ANKRD11: variants seen among roughly 807,000 people sequenced by gnomAD.
ANKRD11 encodes the protein ankyrin repeat domain-containing protein 11.
In ANKRD11, 17 loss-of-function variants were observed where a neutral mutation model predicts 195.7. The ratio of observed to expected loss-of-function variants is 0.09; its 90% CI spans 0.06 to 0.13. ANKRD11 has a LOEUF of 0.13. ANKRD11 is among the 10% of genes least tolerant of loss of function. The pLI is 1.00. For synonymous variants in ANKRD11, 1,953 were observed against 1,528.1 expected (o/e 1.28, Z -6.49); for missense variants, 3,735 against 3,566.1 (o/e 1.05, Z -1.21).
chr16:89,472,359 C>T (rs1382033613), intron 1 of ANKRD11, among the ~76,000 whole-genome samples: 2 of 152,030 alleles, frequency 1.3e-5, no homozygotes, highest in Non-Finnish European at 2.9e-5. Flanking sequence ...ATCAGGAGAT[C>T]TGCACATTTA....
intron 3 of ANKRD11, among the ~76,000 whole-genome samples, chr16:89,312,882 C>T (rs951854169): frequency 5.9e-5 from 9 of 152,272 alleles, no homozygotes; most frequent in African/African-American, 1.7e-4. Context: ...TCTTGAGGGA[C>T]GTAGCTCCCA....
intron 2 of ANKRD11, among the ~76,000 whole-genome samples, chr16:89,318,254 C>T (rs1426118031): frequency 6.6e-6 from 1 of 152,230 alleles, no homozygotes; most frequent in Non-Finnish European, 1.5e-5. Context: ...GGCCTCCTCC[C>T]TGCCTGTGGG....
At chr16:89,378,567 G>A (rs185545279) in intron 2 of ANKRD11, among the ~76,000 whole-genome samples, 7 of 152,296 alleles carry the variant, frequency 4.6e-5, no homozygotes, top group Admixed American at 2.6e-4. Flanking sequence ...ACAGCAGGCT[G>A]GAAATAGTCT....
At position 89,286,040 on chromosome 16, in the gene ANKRD11, C is replaced by T. The variant is rs191287362; in HGVS notation, c.891G>A (p.Thr297=). The change falls in exon 8 of 13, where the codon ACG becomes ACA. Residue 297 remains threonine (T), a splice_region_variant and synonymous_variant. Coordinates refer to ENST00000301030, the MANE Select transcript of ANKRD11 (RefSeq NM_013275.6). ...GCAGCTCAGGTGGCCGTGACTTACCCGTCGAGCTCTCCTCGCTGGAAGTGT... is the reference window on the plus strand; with the variant it reads ...GCAGCTCAGGTGGCCGTGACTTACCTGTCGAGCTCTCCTCGCTGGAAGTGT... The part of the protein sequence containing the change: ...GTYTSSEESS[T]ESSEEEDAPS... 3.7e-6 allele frequency: 6 copies of T among 1,614,170 alleles called. No homozygotes were observed. The highest frequency in any genetic ancestry group is 1.7e-5 in the Admixed American group (1 of 60,028).
At chr16:89,393,333 C>T (rs1192899084) in intron 2 of ANKRD11, among the ~76,000 whole-genome samples, 2 of 143,958 alleles carry the variant, frequency 1.4e-5, no homozygotes, top group South Asian at 2.2e-4. Flanking sequence ...TTTTTTGAGA[C>T]GGAGGCTTGC....
chr16:89,313,319 T>C (rs1445313071), intron 3 of ANKRD11: 1 of 1,287,210 alleles, frequency 7.8e-7, no homozygotes, highest in South Asian at 1.2e-5. Context: ...CTGCACACCT[T>C]TGGATCAGAA....
intron 11 of ANKRD11, 84 bp from the exon 12 acceptor site, chr16:89,270,993 G>A (rs2033101733): frequency 1.5e-6 from 2 of 1,320,370 alleles, no homozygotes; most frequent in Non-Finnish European, 2.2e-6. Context: ...ATGCTGCAGT[G>A]ACCGTTCTCA....
At chr16:89,352,490 C>G (rs1567688047) in intron 2 of ANKRD11, among the ~76,000 whole-genome samples, 1 of 152,058 alleles carries the variant, frequency 6.6e-6, no homozygotes, top group Admixed American at 6.5e-5. Flanking sequence ...ATCTTCAAGG[C>G]TCACACCCTT....
chr16:89,299,371 G>C (rs1349329804), intron 4 of ANKRD11: 1 of 202,210 alleles, frequency 4.9e-6, no homozygotes, highest in Non-Finnish European at 1.0e-5. Flanking sequence ...TGTGTGGGGT[G>C]CCTGCCCTGT....
intron 1 of ANKRD11, among the ~76,000 whole-genome samples, chr16:89,457,480 C>T (rs890981899): frequency 3.3e-5 from 5 of 151,074 alleles, no homozygotes; most frequent in African/African-American, 9.7e-5. Context: ...CACCCGTAAT[C>T]CCAGCTACTC....
Position 89,281,311 on chromosome 16 carries a change from T to A in ANKRD11, c.5231A>T (p.His1744Leu), listed in dbSNP as rs762398457. Reference sequence around the variant, plus strand: ...GGGAGCGGTGGGCACGGGCGTGGAGTGCTGCGAGTCGGCGCAGTCGAACAC... The same window carrying A: ...GGGAGCGGTGGGCACGGGCGTGGAGAGCTGCGAGTCGGCGCAGTCGAACAC... ...DLVFDCADSQ[H>L]STPVPTAPTS... Residue 1744 changes from histidine (H) to leucine (L), a missense_variant, in exon 9 of 13, where the codon CAC (histidine) becomes CTC (leucine). By Grantham distance (99) the His-to-Leu change is moderately conservative (BLOSUM62 -3). Transcript: ENST00000301030. The surrounding 1 kb of genome is among the most constrained non-coding windows in gnomAD (Gnocchi z 5.5). The A allele has an allele frequency of 2.5e-5, 41 of 1,613,338 alleles. No individual in the cohort carries two copies. The highest frequency in any genetic ancestry group is 3.2e-5 in the Non-Finnish European group (38 of 1,179,750).
At chr16:89,442,020 G>T (rs972169532) in intron 1 of ANKRD11, among the ~76,000 whole-genome samples, 1 of 152,106 alleles carries the variant, frequency 6.6e-6, no homozygotes, top group African/African-American at 2.4e-5. Flanking sequence ...GCAAAATCAG[G>T]GTTAGCTGTG....
chr16:89,415,496 C>T (rs1432266528), intron 2 of ANKRD11, among the ~76,000 whole-genome samples: 5 of 143,378 alleles, frequency 3.5e-5, no homozygotes, highest in Admixed American at 7.0e-5. Context: ...GATCTCCTGA[C>T]CTCATGATCC....
At position 89,406,456 on chromosome 16, in the gene ANKRD11, G is replaced by A. The variant is rs558984016; in HGVS notation, c.-60+11828C>T. Among the ~76,000 whole-genome samples the A allele has an allele frequency of 1.1e-4, 16 of 152,306 alleles. No homozygotes were observed. In the South Asian group the frequency reaches 1.2e-3, roughly 12 times the overall value. Reference sequence around the variant, plus strand: ...AGAAGCAGCAGCTGCTGAGAAGGCCGCACGGGCAAAGGAGCCACCGTGCAC... The same window carrying A: ...AGAAGCAGCAGCTGCTGAGAAGGCCACACGGGCAAAGGAGCCACCGTGCAC... On this transcript the variant is annotated intron_variant, in intron 2 of 12. Coordinates refer to ENST00000301030, the MANE Select transcript of ANKRD11 (RefSeq NM_013275.6).
At chr16:89,432,320 C>T (rs971466991) in intron 1 of ANKRD11, among the ~76,000 whole-genome samples, 10 of 151,576 alleles carry the variant, frequency 6.6e-5, no homozygotes, top group African/African-American at 2.4e-4. Context: ...GCTTCCACTC[C>T]TACATGGGAC....
chr16:89,410,708 G>A (rs1040712584), intron 2 of ANKRD11, among the ~76,000 whole-genome samples: 2 of 152,196 alleles, frequency 1.3e-5, no homozygotes, highest in Admixed American at 6.5e-5. Flanking sequence ...AAACGTCAAC[G>A]ATACCAAAAG....
chr16:89,323,478 A>AGAGCCCAGGGCAGGGGGGCT (rs2037476682), intron 2 of ANKRD11: 1 of 88,812 alleles, frequency 1.1e-5, no homozygotes, highest in African/African-American at 1.1e-4. Flanking sequence ...GCAGGGGGGC[A>AGAGCCCAGGGCAGGGGGGCT]GAGCCCAGGG....
intron 2 of ANKRD11, among the ~76,000 whole-genome samples, chr16:89,380,270 G>A (rs1410005062): frequency 1.3e-5 from 2 of 152,080 alleles, no homozygotes; most frequent in African/African-American, 2.4e-5. Context: ...GTGCCACGAC[G>A]CCTGGCTAAT....
At chr16:89,464,776 G>A (rs962228107) in intron 1 of ANKRD11, among the ~76,000 whole-genome samples, 5 of 152,108 alleles carry the variant, frequency 3.3e-5, no homozygotes, top group Non-Finnish European at 5.9e-5. Flanking sequence ...AGAGAAAACA[G>A]AGACCAAACT....
Sources: allele counts gnomAD v4.1 joint callset (sites outside exome capture counted in the v4.1 genomes callset), GRCh38; gene constraint gnomAD v4.1.1; non-coding constraint Gnocchi (gnomAD v3.1); transcripts MANE v1.5; gene names NCBI Gene and HGNC (gene_info 2026-07-23, HGNC 2026-07-21).